Variants in APP observed in about 807,000 individuals in gnomAD.
APP encodes the protein amyloid beta precursor protein.
Under a neutral mutation model 101.4 loss-of-function variants are expected in APP, and 31 were observed. That is an observed-to-expected ratio of 0.31 (90% confidence interval 0.23 to 0.41). The LOEUF (loss-of-function observed/expected upper bound fraction) is 0.41. Ranked by LOEUF, APP falls within the 10% of genes least tolerant of loss-of-function variation. The pLI, the probability that APP is intolerant of heterozygous loss-of-function variation, is 1.00. For missense variants in APP, 839 were observed against 1,003.7 expected, an observed-to-expected ratio of 0.84 and a Z score of 2.22; for synonymous variants, 366 against 364.4, an observed-to-expected ratio of 1.00 and a Z score of -0.05.
rs138950793 is a variant in APP, at chr21:25,917,917, GAA to G, written c.1688-5957_1688-5956del. On this transcript the variant is annotated intron_variant, in intron 13 of 17. Coordinates refer to ENST00000346798, the MANE Select transcript of APP (RefSeq NM_000484.4). The stretch of plus-strand genomic sequence containing the variant: ...ACATGTATGTGGCCAACAAACATAT[GAA>G]AAAAAAAAAAAAAGCTCATCATCAC... Among the ~76,000 whole-genome samples, 798 of 111,844 alleles carry G rather than the reference GAA, an allele frequency of 7.1e-3. 10 individuals carry two copies. Among genetic ancestry groups the G allele is most frequent in the African/African-American group, 0.024 (735 of 30,388 alleles). The allele number at this position is 111,844 out of a possible 152,430, so 73.4% of individuals were successfully genotyped here.
At chr21:26,022,318 C>G (rs186005317) in intron 5 of APP, among the ~76,000 whole-genome samples, 42 of 152,204 alleles carry the variant, frequency 2.8e-4, no homozygotes, top group Admixed American at 7.9e-4. Flanking sequence ...ATAAAAAGAT[C>G]AGCGGTTGCC....
In APP at chr21:26,108,510, AG is replaced by A. The variant is rs1197733866; in HGVS notation, c.225+3468del. 3.3e-5 allele frequency among the ~76,000 whole-genome samples: 5 copies of A among 152,336 alleles called. No homozygotes were observed. In the South Asian group the frequency reaches 8.3e-4, roughly 25 times the overall value. ...AGCATGGCAGTCTCTGGGAGAACGA[AG>A]ATATATGGTAGGGGACATAGTGATA... On this transcript the variant is annotated intron_variant, in intron 2 of 17. Transcript: ENST00000346798.
At chr21:26,154,029 C>A (rs2830096) in intron 1 of APP, among the ~76,000 whole-genome samples, 53,415 of 151,766 alleles carry the variant, frequency 0.35, 9,889 homozygotes, top group African/African-American at 0.48. Flanking sequence ...CTTCTCCAAC[C>A]CTCCATGTCA....
At chr21:25,987,541 G>A (rs909487015) in intron 8 of APP, among the ~76,000 whole-genome samples, 1 of 152,158 alleles carries the variant, frequency 6.6e-6, no homozygotes, top group African/African-American at 2.4e-5. Flanking sequence ...CCTTTTAATA[G>A]TGATCATGTG....
In APP at chr21:26,027,906, T is replaced by TA. The variant is rs1402102459; in HGVS notation, c.663-5865_663-5864insT. On this transcript the variant is annotated intron_variant, in intron 5 of 17. Coordinates refer to ENST00000346798, the MANE Select transcript of APP (RefSeq NM_000484.4). ...ACATGACTGGACTACCAAAAATTCA[T>TA]GACTCAGGCCTGAGGAGGTGGCTCA... 2.0e-5 allele frequency among the ~76,000 whole-genome samples: 3 copies of TA among 152,168 alleles called. No homozygotes were observed. The East Asian group carries it at 5.8e-4, about 29-fold the overall frequency.
chr21:26,105,300 A>G (rs1349550206), intron 2 of APP, among the ~76,000 whole-genome samples: 1 of 152,180 alleles, frequency 6.6e-6, no homozygotes, highest in Non-Finnish European at 1.5e-5. Context: ...AGATGATCTG[A>G]TGAAAAGACT....
At position 26,157,912 on chromosome 21, in the gene APP, CT is replaced by C. The variant is rs548869834; in HGVS notation, c.57+12651del. On this transcript the variant is annotated intron_variant, in intron 1 of 17. Coordinates refer to ENST00000346798, the MANE Select transcript of APP (RefSeq NM_000484.4). ...CAAAAGAGGTGCTCAGTGTCAAGCT[CT>C]TTTCTAAAAACCTCAAAGCTTGTTT... Among the ~76,000 whole-genome samples the C allele has an allele frequency of 1.2e-4, 19 of 152,338 alleles. No homozygotes were observed. In the East Asian group the frequency reaches 3.7e-3, roughly 29 times the overall value.
chr21:26,136,139 A>AAAGAAAAGAAAAGAAAAGAAAAG (rs1555882125), intron 1 of APP, among the ~76,000 whole-genome samples: 1 of 74,828 alleles, frequency 1.3e-5, no homozygotes, highest in African/African-American at 1.2e-4. Context: ...TCAAAAAAGA[A>AAAGAAAAGAAAAGAAAAGAAAAG]AAAAGAAAAG....
At chr21:25,978,829 G>A (rs575180804) in intron 9 of APP, among the ~76,000 whole-genome samples, 3 of 152,278 alleles carry the variant, frequency 2.0e-5, no homozygotes, top group Admixed American at 2.0e-4. Context: ...GCACGTGCCT[G>A]TAATCCCAGT....
intron 1 of APP, among the ~76,000 whole-genome samples, chr21:26,150,007 C>T (rs185922287): frequency 6.6e-6 from 1 of 152,252 alleles, no homozygotes; most frequent in Admixed American, 6.5e-5. Context: ...TTAGGTTCAG[C>T]ACATGAGGCC....
chr21:26,116,907 T>C (rs1412532193), intron 1 of APP, among the ~76,000 whole-genome samples: 1 of 152,104 alleles, frequency 6.6e-6, no homozygotes, highest in Non-Finnish European at 1.5e-5. Flanking sequence ...TTGGATACAC[T>C]GTCACACTCC....
At chr21:25,899,939 T>G (rs572445457) in intron 15 of APP, among the ~76,000 whole-genome samples, 1 of 152,302 alleles carries the variant, frequency 6.6e-6, no homozygotes, top group East Asian at 1.9e-4. Context: ...CCTTTCTCAT[T>G]CTTTAACTCT....
At chr21:26,146,163 T>C (rs540374101) in intron 1 of APP, among the ~76,000 whole-genome samples, 1 of 152,332 alleles carries the variant, frequency 6.6e-6, no homozygotes, top group East Asian at 1.9e-4. Flanking sequence ...GGTGAAACCC[T>C]GCTTCTACTA....
intron 3 of APP, among the ~76,000 whole-genome samples, chr21:26,065,660 A>T (rs1488992469): frequency 2.6e-5 from 4 of 152,182 alleles, no homozygotes; most frequent in Non-Finnish European, 5.9e-5. Flanking sequence ...ACCGACTCTC[A>T]TTCCAATGTT....
At chr21:26,005,723 T>G (rs1163471034) in intron 6 of APP, among the ~76,000 whole-genome samples, 1 of 152,216 alleles carries the variant, frequency 6.6e-6, no homozygotes, top group East Asian at 1.9e-4. Flanking sequence ...ATTTTCTATT[T>G]TTCTCAATAG....
chr21:25,889,990 A>T (rs889175910), intron 17 of APP, among the ~76,000 whole-genome samples: 10 of 152,240 alleles, frequency 6.6e-5, no homozygotes, highest in African/African-American at 2.2e-4. Flanking sequence ...AAATTTTTTT[A>T]AAAATTAATT....
intron 6 of APP, among the ~76,000 whole-genome samples, chr21:26,012,911 C>T (rs868731390): frequency 2.0e-5 from 3 of 152,094 alleles, no homozygotes; most frequent in African/African-American, 4.8e-5. Context: ...ACCTGGGAGA[C>T]GGAGGTTGCA....
chr21:25,954,493 A>C, intron 13 of APP, 97 bp downstream of exon 13: 1 of 1,088,604 alleles, frequency 9.2e-7, no homozygotes, highest in Non-Finnish European at 1.4e-6. Context: ...CTGTTCTATT[A>C]ACTTCCATAT....
intron 15 of APP, 27 bp from the exon 16 acceptor site, chr21:25,897,700 C>T (rs2038170294): frequency 6.4e-7 from 1 of 1,559,268 alleles, no homozygotes; most frequent in Non-Finnish European, 8.8e-7. Context: ...TTAAAGTATG[C>T]AGGACAACCA....
Sources: gnomAD v4.1 joint callset for allele counts (sites outside exome capture counted in the v4.1 genomes callset) on GRCh38, gnomAD v4.1.1 for gene constraint, MANE v1.5 for transcripts, NCBI Gene and HGNC (gene_info 2026-07-23, HGNC 2026-07-21) for gene names.